The following PALM2AKAP2 variants were observed in gnomAD, a reference collection of about 807,000 sequenced individuals.
PALM2AKAP2 encodes the protein PALM2 and AKAP2 fusion, also known as PALM2-AKAP2 fusion protein.
PALM2AKAP2 carries 37 observed loss-of-function variants against 71.5 expected under a neutral mutation model. That is an observed-to-expected ratio of 0.52 (90% CI 0.40 to 0.68). PALM2AKAP2 has a LOEUF of 0.68. Among genes scored for constraint, PALM2AKAP2 ranks in the 30% least tolerant of loss-of-function variants. The pLI is 0.00. For missense variants in PALM2AKAP2, 1,224 were observed against 1,191.8 expected (o/e 1.03, Z -0.40); for synonymous variants, 468 against 478.8 (o/e 0.98, Z 0.29).
At chr9:109,859,556 T>C (rs1356045063) in intron 1 of PALM2AKAP2, among the ~76,000 whole-genome samples, 1 of 152,194 alleles carries the variant, frequency 6.6e-6, no homozygotes, top group Non-Finnish European at 1.5e-5. Context: ...ACAAATATCA[T>C]ATGTCAATAA....
chr9:109,719,182 T>A (rs1828370648), intron 1 of PALM2AKAP2, among the ~76,000 whole-genome samples: 1 of 152,340 alleles, frequency 6.6e-6, no homozygotes, highest in South Asian at 2.1e-4. Context: ...TTAGTTAGCA[T>A]GAAAAGGCCA....
intron 6 of PALM2AKAP2, among the ~76,000 whole-genome samples, chr9:109,991,265 C>A (rs541516407): frequency 6.6e-5 from 10 of 150,550 alleles, no homozygotes; most frequent in Non-Finnish European, 1.3e-4. Flanking sequence ...AAGACAGAGT[C>A]TCCCTCTGTC....
At chr9:109,717,912 A>G (rs1322275) in intron 1 of PALM2AKAP2, among the ~76,000 whole-genome samples, 47,100 of 152,046 alleles carry the variant, frequency 0.31, 7,877 homozygotes, top group African/African-American at 0.44. Flanking sequence ...AAAGAGAGAA[A>G]GTAAGAGAGA....
At chr9:110,033,787 C>T (rs1833329964) in intron 7 of PALM2AKAP2, among the ~76,000 whole-genome samples, 1 of 152,210 alleles carries the variant, frequency 6.6e-6, no homozygotes, top group South Asian at 2.1e-4. Context: ...TCTAAGACCA[C>T]TGTAGTTTTT....
intron 1 of PALM2AKAP2, among the ~76,000 whole-genome samples, chr9:109,793,241 G>A (rs1827165593): frequency 6.6e-6 from 1 of 152,286 alleles, no homozygotes; most frequent in Middle Eastern, 3.4e-3. Flanking sequence ...CAAGGAAGGA[G>A]GACAACTGGA....
chr9:109,894,317 C>T (rs1292638128), intron 3 of PALM2AKAP2, among the ~76,000 whole-genome samples: 1 of 152,310 alleles, frequency 6.6e-6, no homozygotes, highest in East Asian at 1.9e-4. Context: ...CCAGCCTGGG[C>T]AACAGAGCGA....
intron 6 of PALM2AKAP2, chr9:109,942,564 A>T (rs1463011569): frequency 9.1e-7 from 1 of 1,096,784 alleles, no homozygotes; most frequent in Non-Finnish European, 1.3e-6. Flanking sequence ...TCTAACACTC[A>T]AGATGCTTGG....
At chr9:110,037,823 C>G (rs1042233631) in intron 7 of PALM2AKAP2, among the ~76,000 whole-genome samples, 4 of 152,098 alleles carry the variant, frequency 2.6e-5, no homozygotes, top group African/African-American at 9.7e-5. Flanking sequence ...TTTAAAAATG[C>G]CTTCTAGGCA....
intron 2 of PALM2AKAP2, among the ~76,000 whole-genome samples, chr9:110,149,036 C>T (rs1426052428): frequency 6.6e-6 from 1 of 152,194 alleles, no homozygotes; most frequent in African/African-American, 2.4e-5. Context: ...TGCCTCCTGT[C>T]AGCACGGCTC....
intron 1 of PALM2AKAP2, among the ~76,000 whole-genome samples, chr9:109,683,184 T>C (rs1827761776): frequency 6.6e-6 from 1 of 152,208 alleles, no homozygotes; most frequent in Non-Finnish European, 1.5e-5. Flanking sequence ...GCCGAGCAGA[T>C]GCCACTATGC....
At chr9:109,914,327 G>A (rs1415970120) in intron 3 of PALM2AKAP2, among the ~76,000 whole-genome samples, 1 of 152,232 alleles carries the variant, frequency 6.6e-6, no homozygotes, top group South Asian at 2.1e-4. Context: ...CTGACATATA[G>A]CACTTTCACT....
At chr9:110,159,523 ATTC>A (rs1287739299) in intron 3 of PALM2AKAP2, among the ~76,000 whole-genome samples, 2 of 152,248 alleles carry the variant, frequency 1.3e-5, no homozygotes, top group Non-Finnish European at 2.9e-5. Context: ...AGCAAAAATA[ATTC>A]TTATTTTTTA....
intron 1 of PALM2AKAP2, among the ~76,000 whole-genome samples, chr9:109,767,290 C>T (rs1393571787): frequency 6.6e-6 from 1 of 152,176 alleles, no homozygotes; most frequent in Non-Finnish European, 1.5e-5. Flanking sequence ...TTTGTCCAAA[C>T]ATTAGTTCCA....
At chr9:109,695,682 T>A (rs1222199259) in intron 1 of PALM2AKAP2, among the ~76,000 whole-genome samples, 3 of 152,170 alleles carry the variant, frequency 2.0e-5, no homozygotes, top group Non-Finnish European at 2.9e-5. Context: ...CGCAATGGAA[T>A]GTTATTCCAT....
exon 4 of PALM2AKAP2, chr9:110,170,799 G>T (rs988698000): frequency 1.3e-5 from 2 of 152,216 alleles, no homozygotes; most frequent in African/African-American, 4.8e-5. Flanking sequence ...AAGGAGGATC[G>T]TCTTTACCTG....
chr9:109,903,912 A>C (rs1400637156), intron 3 of PALM2AKAP2, among the ~76,000 whole-genome samples: 1 of 152,142 alleles, frequency 6.6e-6, no homozygotes, highest in African/African-American at 2.4e-5. Context: ...GATAGAATGT[A>C]TTCTCATTCT....
chr9:109,765,579 G>T (rs1829138898), intron 1 of PALM2AKAP2: 1 of 153,104 alleles, frequency 6.5e-6, no homozygotes, highest in African/African-American at 2.4e-5. Flanking sequence ...TTTACAAATA[G>T]ATCCTGATAT....
At chr9:109,747,997 T>C (rs1174718713) in intron 1 of PALM2AKAP2, among the ~76,000 whole-genome samples, 1 of 152,218 alleles carries the variant, frequency 6.6e-6, no homozygotes, top group Non-Finnish European at 1.5e-5. Context: ...TTTTAAAGAT[T>C]ACAAATGACT....
At chr9:110,059,184 G>A (rs966139328) in intron 1 of PALM2AKAP2, among the ~76,000 whole-genome samples, 1 of 152,142 alleles carries the variant, frequency 6.6e-6, no homozygotes, top group Admixed American at 6.5e-5. Context: ...ACAGGTGTGA[G>A]CCACCGCGCC....
Sources: gnomAD v4.1 joint callset for allele counts (sites outside exome capture counted in the v4.1 genomes callset) on GRCh38, gnomAD v4.1.1 for gene constraint, MANE v1.5 for transcripts, NCBI Gene and HGNC (gene_info 2026-07-23, HGNC 2026-07-21) for gene names.